The following BTRC variants were observed in gnomAD, a reference collection of about 807,000 sequenced individuals.
BTRC encodes the protein F-box/WD repeat-containing protein 1A.
BTRC carries 42 observed loss-of-function variants against 85.5 expected under a neutral mutation model. The ratio of observed to expected loss-of-function variants is 0.49; its 90% CI spans 0.38 to 0.64. The LOEUF (loss-of-function observed/expected upper bound fraction) is 0.64, where lower values mean the gene tolerates loss of function less well. BTRC is among the 30% of genes least tolerant of loss of function. The probability of loss-of-function intolerance (pLI) is 0.00; values close to 1 mark genes in which losing one functional copy is unlikely to be tolerated. For synonymous variants in BTRC, 255 were observed against 263.3 expected (o/e 0.97, Z 0.30); for missense variants, 594 against 743.5 (o/e 0.80, Z 2.34).
intron 1 of BTRC, among the ~76,000 whole-genome samples, chr10:101,379,608 G>T (rs886217885): frequency 2.6e-5 from 4 of 152,018 alleles, no homozygotes; most frequent in Admixed American, 2.6e-4. Context: ...AAATGGTTCT[G>T]TTAAGTGTAG....
chr10:101,527,599 A>T (rs1241478379), intron 6 of BTRC, among the ~76,000 whole-genome samples: 1 of 152,116 alleles, frequency 6.6e-6, no homozygotes, highest in Non-Finnish European at 1.5e-5. Context: ...CAAAAAAATC[A>T]AAAAATTAGC....
chr10:101,400,434 GA>G (rs1943466166), intron 1 of BTRC, among the ~76,000 whole-genome samples: 1 of 152,120 alleles, frequency 6.6e-6, no homozygotes, highest in Non-Finnish European at 1.5e-5. Context: ...ATCCTTTCAT[GA>G]GTGGAGTTTC....
chr10:101,488,117 A>G (rs970105457), intron 4 of BTRC, among the ~76,000 whole-genome samples: 1 of 152,178 alleles, frequency 6.6e-6, no homozygotes, highest in Admixed American at 6.5e-5. Flanking sequence ...TACATTTTTT[A>G]AAGTTCTGCC....
At chr10:101,443,211 T>A (rs1302171436) in intron 2 of BTRC, among the ~76,000 whole-genome samples, 1 of 152,130 alleles carries the variant, frequency 6.6e-6, no homozygotes, top group Non-Finnish European at 1.5e-5. Flanking sequence ...GTTTAAAAAT[T>A]AAGTTTACCA....
chr10:101,518,887 A>G (rs941176622), intron 4 of BTRC, among the ~76,000 whole-genome samples: 53 of 152,226 alleles, frequency 3.5e-4, no homozygotes, highest in African/African-American at 1.2e-3. Flanking sequence ...TTGCTGCCTA[A>G]TCACCACAAA....
chr10:101,383,611 C>T (rs1246874513), intron 1 of BTRC, among the ~76,000 whole-genome samples: 2 of 152,142 alleles, frequency 1.3e-5, no homozygotes, highest in Non-Finnish European at 2.9e-5. Context: ...GGAACCCTCT[C>T]GCCTCAGCCT....
intron 1 of BTRC, among the ~76,000 whole-genome samples, chr10:101,426,606 C>A (rs890679615): frequency 1.3e-5 from 2 of 152,038 alleles, no homozygotes; most frequent in Admixed American, 6.6e-5. Flanking sequence ...TGTGTTAGAA[C>A]GAGTAAGTAA....
At chr10:101,431,070 CTTTTTTTT>C (rs748703752) in intron 2 of BTRC, among the ~76,000 whole-genome samples, 3 of 71,292 alleles carry the variant, frequency 4.2e-5, no homozygotes, top group African/African-American at 1.1e-4. Flanking sequence ...CTCAGCCTTT[CTTTTTTTT>C]TTTTTTTTTT....
At chr10:101,445,947 T>C (rs1161252636) in intron 2 of BTRC, among the ~76,000 whole-genome samples, 1 of 152,138 alleles carries the variant, frequency 6.6e-6, no homozygotes, top group South Asian at 2.1e-4. Context: ...TTGAGATATC[T>C]CATGGAGAAT....
chr10:101,509,719 A>ATTT lies in BTRC; in HGVS notation c.325-11900_325-11898dup, dbSNP rs549474862. 3.3e-4 allele frequency among the ~76,000 whole-genome samples: 40 copies of ATTT among 120,336 alleles called. 1 individual carries two copies. Among genetic ancestry groups the ATTT allele is most frequent in the African/African-American group, 1.0e-3 (30 of 28,580 alleles). The allele number at this position is 120,336 out of a possible 152,430, so 78.9% of individuals were successfully genotyped here. ...AGGCATGCACCACCACACACAGCTA[A>ATTT]TTTTTTTTTTTTTTTTTTTTTTGGT... On this transcript the variant is annotated intron_variant, in intron 4 of 14. Transcript: ENST00000370187.
intron 1 of BTRC, among the ~76,000 whole-genome samples, chr10:101,391,184 G>T (rs925131711): frequency 2.0e-5 from 3 of 152,156 alleles, no homozygotes; most frequent in Non-Finnish European, 4.4e-5. Context: ...AAATATTTCA[G>T]CCCTTAAGCA....
At chr10:101,527,197 C>T (rs1258951749) in intron 6 of BTRC, among the ~76,000 whole-genome samples, 1 of 152,120 alleles carries the variant, frequency 6.6e-6, no homozygotes. Flanking sequence ...AAGAGGAAAA[C>T]AGTTAAAAGT....
At chr10:101,382,394 T>C (rs913140825) in intron 1 of BTRC, among the ~76,000 whole-genome samples, 2 of 152,200 alleles carry the variant, frequency 1.3e-5, no homozygotes, top group Non-Finnish European at 2.9e-5. Flanking sequence ...TGGTTTTTAT[T>C]CATGAAATTG....
chr10:101,540,246 A>G (rs1312958019), intron 13 of BTRC, among the ~76,000 whole-genome samples: 1 of 152,154 alleles, frequency 6.6e-6, no homozygotes. Flanking sequence ...TCTAAGTTTT[A>G]TAATTTTCAG....
intron 1 of BTRC, among the ~76,000 whole-genome samples, chr10:101,401,788 T>C (rs1943497206): frequency 6.8e-6 from 1 of 146,688 alleles, no homozygotes; most frequent in Admixed American, 6.9e-5. Flanking sequence ...CAGTGAGCTA[T>C]GATTATGCCA....
At chr10:101,412,738 A>G (rs1943816095) in intron 1 of BTRC, among the ~76,000 whole-genome samples, 1 of 152,208 alleles carries the variant, frequency 6.6e-6, no homozygotes, top group Non-Finnish European at 1.5e-5. Context: ...TACAAACTTC[A>G]TTGCTAGTAC....
intron 13 of BTRC, among the ~76,000 whole-genome samples, chr10:101,543,909 T>C (rs1467285751): frequency 6.6e-6 from 1 of 152,170 alleles, no homozygotes; most frequent in Admixed American, 6.6e-5. Flanking sequence ...TCTTTTAAGA[T>C]TTTTTTGTTT....
intron 13 of BTRC, among the ~76,000 whole-genome samples, chr10:101,545,009 T>C (rs1229190804): frequency 1.3e-5 from 2 of 150,672 alleles, no homozygotes; most frequent in Admixed American, 6.6e-5. Flanking sequence ...GCCACAGATA[T>C]GCCACTGCAC....
chr10:101,505,646 AT>A (rs200601806), intron 4 of BTRC, among the ~76,000 whole-genome samples: 29 of 150,082 alleles, frequency 1.9e-4, no homozygotes, highest in Admixed American at 8.0e-4. Context: ...AAAAATAATA[AT>A]AAAAAAACAA....
Sources: allele counts gnomAD v4.1 joint callset (sites outside exome capture counted in the v4.1 genomes callset), GRCh38; gene constraint gnomAD v4.1.1; transcripts MANE v1.5; gene names NCBI Gene and HGNC (gene_info 2026-07-23, HGNC 2026-07-21).